Variants in CCPG1 observed in about 807,000 individuals in gnomAD.
CCPG1 encodes the protein cell cycle progression protein 1.
Under a neutral mutation model 81.3 loss-of-function variants are expected in CCPG1, and 46 were observed. The observed-to-expected ratio is 0.57, with a 90% CI of 0.45 to 0.72. The LOEUF is 0.72. Among genes scored for constraint, CCPG1 ranks in the 30% least tolerant of loss-of-function variants. The pLI is 0.00. For missense variants in CCPG1, 902 were observed against 937.6 expected (o/e 0.96, Z 0.50); for synonymous variants, 330 against 305.2 (o/e 1.08, Z -0.85).
chr15:55,366,624 A>G lies in CCPG1; in HGVS notation c.707-1315T>C, dbSNP rs796701070. Among the ~76,000 whole-genome samples the G allele has an allele frequency of 7.2e-5, 11 of 152,218 alleles. 1 individual carries two copies. The highest frequency in any genetic ancestry group is 2.6e-4 in the African/African-American group (11 of 41,540). On this transcript the variant is annotated intron_variant, in intron 6 of 8. Coordinates refer to ENST00000442196, the MANE Select transcript of CCPG1 (RefSeq NM_001204450.2). ...CTGTCTCTACTAAAAATACAATATT[A>G]GCCAGGGAGTGGTGGCATGTGCCTG...
intron 1 of CCPG1, among the ~76,000 whole-genome samples, chr15:55,396,845 T>A (rs2057026231): frequency 6.6e-6 from 1 of 152,116 alleles, no homozygotes; most frequent in Admixed American, 6.6e-5. Context: ...AGATCAGAGC[T>A]CTACCTCTGA....
At chr15:55,407,688 T>C (rs1202796988) in intron 1 of CCPG1, among the ~76,000 whole-genome samples, 1 of 152,104 alleles carries the variant, frequency 6.6e-6, no homozygotes, top group East Asian at 1.9e-4. Flanking sequence ...GAGAAGGATA[T>C]GGAGAGGTAT....
chr15:55,394,305 G>A (rs1227332684), intron 1 of CCPG1, among the ~76,000 whole-genome samples: 1 of 152,106 alleles, frequency 6.6e-6, no homozygotes, highest in Non-Finnish European at 1.5e-5. Flanking sequence ...TTTTATTAAA[G>A]GACTGAATAA....
chr15:55,379,244 G>A (rs2141286597), intron 3 of CCPG1, among the ~76,000 whole-genome samples: 1 of 150,464 alleles, frequency 6.6e-6, no homozygotes, highest in East Asian at 1.9e-4. Context: ...GACTCAGGCG[G>A]GGTGCAGTGA....
At chr15:55,365,499 C>T (rs1266101206) in intron 6 of CCPG1, among the ~76,000 whole-genome samples, 190 bp from the exon 7 acceptor site, 1 of 149,222 alleles carries the variant, frequency 6.7e-6, no homozygotes, top group Non-Finnish European at 1.5e-5. Flanking sequence ...CAGCTCACTG[C>T]AACCTCTGCC....
intron 7 of CCPG1, among the ~76,000 whole-genome samples, chr15:55,363,967 C>A (rs980819708): frequency 3.3e-5 from 5 of 149,806 alleles, no homozygotes; most frequent in Admixed American, 2.0e-4. Context: ...CCACACCAGG[C>A]TGATTTTTGT....
chr15:55,400,470 T>C (rs116396399), intron 1 of CCPG1, among the ~76,000 whole-genome samples: 13,205 of 152,034 alleles, frequency 0.087, 608 homozygotes, highest in East Asian at 0.18. Context: ...ATCACACCAC[T>C]GCACTAAGGC....
In CCPG1 at chr15:55,356,000, C is replaced by T. The variant is rs536278501; in HGVS notation, c.*220G>A. Reference sequence around the variant, plus strand: ...TTAATAAAACTACAGTTGAACATTTCCAGTGTCAAAAAAAATTCAACGAAG... The same window carrying T: ...TTAATAAAACTACAGTTGAACATTTTCAGTGTCAAAAAAAATTCAACGAAG... On this transcript the variant is annotated 3_prime_UTR_variant, in exon 9 of 9. Coordinates refer to ENST00000442196, the MANE Select transcript of CCPG1 (RefSeq NM_001204450.2). 43 of 508,666 alleles carry T rather than the reference C, an allele frequency of 8.5e-5. No homozygotes were observed. Among genetic ancestry groups the T allele is most frequent in the African/African-American group, 8.0e-4 (40 of 49,730 alleles). 31.5% of individuals were successfully genotyped at this position (508,666 alleles called of 1,614,324 possible).
At chr15:55,357,960 T>C (rs1056927647) in intron 8 of CCPG1, 11 of 152,276 alleles carry the variant, frequency 7.2e-5, no homozygotes, top group African/African-American at 2.2e-4. Context: ...ATCATCCTTT[T>C]CTTGTGTATT....
intron 5 of CCPG1, chr15:55,373,076 A>C (rs776490928): frequency 3.8e-6 from 2 of 520,890 alleles, no homozygotes; most frequent in Admixed American, 2.1e-5. Flanking sequence ...CCTTTATGAA[A>C]ATAATAGTAG....
chr15:55,396,841 G>T (rs2057026104), intron 1 of CCPG1, among the ~76,000 whole-genome samples: 1 of 152,278 alleles, frequency 6.6e-6, no homozygotes, highest in East Asian at 1.9e-4. Flanking sequence ...GCTGAGATCA[G>T]AGCTCTACCT....
At chr15:55,396,155 A>AAAAAAAAAAAAAAAAAAAAAAAAC (rs2057014074) in intron 1 of CCPG1, among the ~76,000 whole-genome samples, 1 of 10,350 alleles carries the variant, frequency 9.7e-5, no homozygotes. Flanking sequence ...CTCCACCTCC[A>AAAAAAAAAAAAAAAAAAAAAAAAC]AAAAAAAAAA....
In CCPG1 at chr15:55,392,197, A is replaced by T. The variant is rs796100751; in HGVS notation, c.-9-2764T>A. 5.0e-4 allele frequency among the ~76,000 whole-genome samples: 74 copies of T among 148,600 alleles called. 1 individual carries two copies. Among genetic ancestry groups the T allele is most frequent in the African/African-American group, 1.8e-3 (72 of 40,280 alleles). ...ACAATCTAGTACAAATATAGTTTAA[A>T]AGATCAGATTTGATTTTTTTTTTTT... is the stretch of plus-strand genomic sequence containing the variant. On this transcript the variant is annotated intron_variant, in intron 1 of 8. Transcript: ENST00000442196.
At chr15:55,402,849 A>T (rs2057152449) in intron 1 of CCPG1, among the ~76,000 whole-genome samples, 1 of 152,228 alleles carries the variant, frequency 6.6e-6, no homozygotes, top group African/African-American at 2.4e-5. Context: ...CACTTATAGA[A>T]GTGAGATTAA....
At chr15:55,370,505 C>T (rs1000866996) in intron 6 of CCPG1, among the ~76,000 whole-genome samples, 8 of 152,150 alleles carry the variant, frequency 5.3e-5, no homozygotes, top group African/African-American at 1.4e-4. Flanking sequence ...AAATAAGAGA[C>T]TCAGGCCAGG....
chr15:55,395,213 G>A (rs774005316), intron 1 of CCPG1, among the ~76,000 whole-genome samples: 6 of 151,692 alleles, frequency 4.0e-5, no homozygotes, highest in African/African-American at 7.3e-5. Flanking sequence ...TGACAATTTG[G>A]ATAAGCAAAA....
At chr15:55,365,113 A>G in intron 7 of CCPG1, 75 bp downstream of exon 7, 4 of 845,952 alleles carry the variant, frequency 4.7e-6, no homozygotes, top group South Asian at 3.5e-5. Flanking sequence ...ATCTGCACTA[A>G]TAAGCACAAT....
chr15:55,382,410 C>G (rs2056717151), intron 3 of CCPG1, among the ~76,000 whole-genome samples: 1 of 152,064 alleles, frequency 6.6e-6, no homozygotes, highest in African/African-American at 2.4e-5. Flanking sequence ...GATTGCATCT[C>G]AAGAAACTAC....
At chr15:55,377,555 C>T (rs572151808) in intron 4 of CCPG1, among the ~76,000 whole-genome samples, 1 of 152,282 alleles carries the variant, frequency 6.6e-6, no homozygotes, top group Admixed American at 6.5e-5. Context: ...ACAGCTGTAT[C>T]TTGTACTGAA....
Sources: gnomAD v4.1 joint callset for allele counts (sites outside exome capture counted in the v4.1 genomes callset) on GRCh38, gnomAD v4.1.1 for gene constraint, MANE v1.5 for transcripts, NCBI Gene and HGNC (gene_info 2026-07-23, HGNC 2026-07-21) for gene names.